The following TMEM272 variants were observed in gnomAD, a reference collection of about 807,000 sequenced individuals.
TMEM272 encodes the protein transmembrane protein 272.
TMEM272 carries 8 observed loss-of-function variants against 3.7 expected under a neutral mutation model. The observed-to-expected ratio is 2.17, with a 90% CI of 1.27 to 3.91. The LOEUF (loss-of-function observed/expected upper bound fraction) is 3.91, where lower values mean the gene tolerates loss of function less well. Among genes scored for constraint, TMEM272 ranks in the 30% most tolerant of loss-of-function variants. The pLI, the probability that TMEM272 is intolerant of heterozygous loss-of-function variation, is 0.00. For synonymous variants in TMEM272, 63 were observed against 39.8 expected, an observed-to-expected ratio of 1.58 and a Z score of -2.20; for missense variants, 166 against 91.5, an observed-to-expected ratio of 1.81 and a Z score of -3.32.
At chr13:51,874,955 G>A in the TMEM272 span, among the ~76,000 whole-genome samples, 1 of 152,196 alleles carries the variant, frequency 6.6e-6, no homozygotes, top group Non-Finnish European at 1.5e-5. Flanking sequence ...TGCACACTGA[G>A]CTGCACATTT....
chr13:51,914,012 A>G, the TMEM272 span, among the ~76,000 whole-genome samples: 1 of 152,260 alleles, frequency 6.6e-6, no homozygotes, highest in South Asian at 2.1e-4. Context: ...GGGAACAATT[A>G]GCTGCCATCA....
chr13:51,904,697 A>G, the TMEM272 span, among the ~76,000 whole-genome samples: 1 of 152,222 alleles, frequency 6.6e-6, no homozygotes, highest in African/African-American at 2.4e-5. Context: ...GGTCATGCTC[A>G]AAGGAAATGC....
chr13:51,882,744 A>C, the TMEM272 span, among the ~76,000 whole-genome samples: 1 of 151,516 alleles, frequency 6.6e-6, no homozygotes, highest in African/African-American at 2.4e-5. Context: ...AAATATAATA[A>C]AAATAAATAA....
the TMEM272 span, among the ~76,000 whole-genome samples, chr13:51,906,982 T>C: frequency 1.3e-5 from 2 of 152,246 alleles, no homozygotes; most frequent in Non-Finnish European, 2.9e-5. Flanking sequence ...TGAAGCCACA[T>C]CTTCTGTAGC....
chr13:51,849,512 C>T (rs1049726044), upstream of TMEM272, among the ~76,000 whole-genome samples: 2 of 152,234 alleles, frequency 1.3e-5, no homozygotes, highest in Non-Finnish European at 2.9e-5. Context: ...GTTTAATAAG[C>T]AAACAAACTC....
At chr13:51,899,349 G>A in the TMEM272 span, among the ~76,000 whole-genome samples, 1 of 152,276 alleles carries the variant, frequency 6.6e-6, no homozygotes, top group Admixed American at 6.5e-5. Context: ...CAGTTATTAT[G>A]TGTCAATTAA....
intron 2 of TMEM272, among the ~76,000 whole-genome samples, chr13:51,834,270 G>C (rs1157634606): frequency 6.6e-6 from 1 of 152,100 alleles, no homozygotes; most frequent in Non-Finnish European, 1.5e-5. Flanking sequence ...CACTGCCGGG[G>C]GCCACCTTTT....
chr13:51,892,947 T>C, the TMEM272 span, among the ~76,000 whole-genome samples: 1 of 152,242 alleles, frequency 6.6e-6, no homozygotes, highest in African/African-American at 2.4e-5. Context: ...CTGCCTTTCT[T>C]TACTGCACCC....
chr13:51,890,984 T>C, the TMEM272 span, among the ~76,000 whole-genome samples: 2 of 152,214 alleles, frequency 1.3e-5, no homozygotes, highest in Non-Finnish European at 2.9e-5. Context: ...ACAAGTCTGT[T>C]TGGGTGAACA....
intron 2 of TMEM272, among the ~76,000 whole-genome samples, chr13:51,832,141 C>G (rs1956178139): frequency 6.6e-6 from 1 of 152,156 alleles, no homozygotes; most frequent in African/African-American, 2.4e-5. Context: ...ATCCTCACTC[C>G]CCTCTTGCAG....
the TMEM272 span, among the ~76,000 whole-genome samples, chr13:51,917,317 C>T: frequency 1.3e-5 from 2 of 152,154 alleles, no homozygotes. Flanking sequence ...GAGTAAAAGA[C>T]TGGGGGTAGC....
chr13:51,840,934 A>G (rs555274088), intron 1 of TMEM272, among the ~76,000 whole-genome samples: 6 of 152,344 alleles, frequency 3.9e-5, no homozygotes, highest in East Asian at 1.9e-4. Flanking sequence ...CTCTGGCCCA[A>G]TGGGGTTTGC....
the TMEM272 span, among the ~76,000 whole-genome samples, chr13:51,875,745 G>A: frequency 2.0e-5 from 3 of 152,306 alleles, no homozygotes; most frequent in South Asian, 2.1e-4. Flanking sequence ...GGGCATGAGC[G>A]CAAGCCCACA....
intron 3 of TMEM272, among the ~76,000 whole-genome samples, chr13:51,825,285 T>C (rs967348249): frequency 6.6e-6 from 1 of 152,220 alleles, no homozygotes; most frequent in African/African-American, 2.4e-5. Context: ...GCTGTTAGCT[T>C]TCATGTCTTA....
intron 2 of TMEM272, among the ~76,000 whole-genome samples, chr13:51,836,768 G>C (rs1483146110): frequency 6.6e-6 from 1 of 152,212 alleles, no homozygotes; most frequent in Non-Finnish European, 1.5e-5. Flanking sequence ...GTGGGAGGAA[G>C]TAGAAGTCTA....
the TMEM272 span, among the ~76,000 whole-genome samples, chr13:51,922,972 A>G: frequency 1.3e-5 from 2 of 152,198 alleles, no homozygotes; most frequent in African/African-American, 4.8e-5. Context: ...TCACATGTGC[A>G]GGGCTCCTTT....
At chr13:51,892,740 A>G in the TMEM272 span, among the ~76,000 whole-genome samples, 4 of 151,964 alleles carry the variant, frequency 2.6e-5, no homozygotes, top group African/African-American at 9.7e-5. Flanking sequence ...CTCAGGTGGC[A>G]TCTCATGCAG....
chr13:51,876,388 T>C, the TMEM272 span, among the ~76,000 whole-genome samples: 2 of 152,234 alleles, frequency 1.3e-5, no homozygotes, highest in African/African-American at 4.8e-5. Context: ...TTAGCACATA[T>C]TTCACCAGTT....
chr13:51,827,967 G>A (rs1272232424), intron 2 of TMEM272, among the ~76,000 whole-genome samples: 1 of 152,158 alleles, frequency 6.6e-6, no homozygotes, highest in African/African-American at 2.4e-5. Context: ...TCCCTCCCTG[G>A]CCACTGGTGA....
Sources: allele counts gnomAD v4.1 joint callset (sites outside exome capture counted in the v4.1 genomes callset), GRCh38; gene constraint gnomAD v4.1.1; transcripts MANE v1.5; gene names NCBI Gene and HGNC (gene_info 2026-07-23, HGNC 2026-07-21).